The following EVI5 variants were observed in gnomAD, a reference collection of about 807,000 sequenced individuals.
EVI5 encodes the protein ecotropic viral integration site 5.
In EVI5, 73 loss-of-function variants were observed where a neutral mutation model predicts 112.0. The observed-to-expected ratio is 0.65, with a 90% confidence interval of 0.54 to 0.79. The LOEUF (loss-of-function observed/expected upper bound fraction) is 0.79, where lower values mean the gene tolerates loss of function less well. Ranked by LOEUF, EVI5 falls within the 30% of genes least tolerant of loss-of-function variation. The pLI is 0.00. For missense variants in EVI5, 900 were observed against 968.8 expected (o/e 0.93, Z 0.94); for synonymous variants, 305 against 319.9 (o/e 0.95, Z 0.50).
At chr1:92,665,295 C>T (rs1200327077) in intron 11 of EVI5, among the ~76,000 whole-genome samples, 5 of 152,152 alleles carry the variant, frequency 3.3e-5, no homozygotes, top group African/African-American at 1.2e-4. Context: ...TTAAACCATA[C>T]TTTTACTACT....
At chr1:92,675,853 A>G (rs2152765) in intron 10 of EVI5, among the ~76,000 whole-genome samples, 139,467 of 151,354 alleles carry the variant, frequency 0.92, 64,339 homozygotes, top group East Asian at 0.97. Context: ...CTACTTGGGA[A>G]GCTGAGGCAG....
intron 19 of EVI5, among the ~76,000 whole-genome samples, chr1:92,539,407 G>C (rs1186014312): frequency 6.6e-6 from 1 of 151,752 alleles, no homozygotes; most frequent in Non-Finnish European, 1.5e-5. Context: ...GCCGGGTGTA[G>C]TGGCGGGCGC....
intron 1 of EVI5, among the ~76,000 whole-genome samples, chr1:92,747,837 C>A (rs1374605530): frequency 6.6e-6 from 1 of 151,016 alleles, no homozygotes; most frequent in African/African-American, 2.4e-5. Context: ...TAGGGAGAAT[C>A]TTCCCTTGCC....
At chr1:92,613,289 T>G (rs1409850906) in intron 16 of EVI5, among the ~76,000 whole-genome samples, 1 of 152,094 alleles carries the variant, frequency 6.6e-6, no homozygotes, top group Non-Finnish European at 1.5e-5. Flanking sequence ...ATTTATTTAT[T>G]TATTTATTTA....
At chr1:92,724,499 T>C (rs1675252979) in intron 2 of EVI5, among the ~76,000 whole-genome samples, 1 of 152,170 alleles carries the variant, frequency 6.6e-6, no homozygotes, top group African/African-American at 2.4e-5. Flanking sequence ...CATTAAATTA[T>C]ATCGAACAAT....
At chr1:92,729,446 T>G (rs1189207093) in intron 2 of EVI5, among the ~76,000 whole-genome samples, 1 of 152,292 alleles carries the variant, frequency 6.6e-6, no homozygotes, top group East Asian at 1.9e-4. Flanking sequence ...CATTACAAGG[T>G]GACAACATAT....
intron 13 of EVI5, among the ~76,000 whole-genome samples, chr1:92,658,484 C>G (rs985867667): frequency 6.6e-6 from 1 of 152,012 alleles, no homozygotes; most frequent in Admixed American, 6.5e-5. Flanking sequence ...TTGACAACAG[C>G]TACAAAAAAA....
intron 10 of EVI5, among the ~76,000 whole-genome samples, chr1:92,675,976 A>AG (rs1326013838): frequency 6.6e-6 from 1 of 151,664 alleles, no homozygotes; most frequent in African/African-American, 2.4e-5. Flanking sequence ...AAAAAGAAAA[A>AG]GAAAAAAAGC....
intron 16 of EVI5, among the ~76,000 whole-genome samples, chr1:92,612,167 C>A (rs965073236): frequency 1.3e-5 from 2 of 151,612 alleles, no homozygotes; most frequent in African/African-American, 4.9e-5. Flanking sequence ...CCCAGGTAAG[C>A]ATTTTCAACT....
At chr1:92,787,372 A>G (rs1685715736), upstream of EVI5, among the ~76,000 whole-genome samples, 2 of 152,318 alleles carry the variant, frequency 1.3e-5, no homozygotes, top group Admixed American at 6.5e-5. Flanking sequence ...TTTTGTAAGC[A>G]CCTGAATTAA....
intron 13 of EVI5, among the ~76,000 whole-genome samples, chr1:92,650,447 G>A (rs1231315820): frequency 8.0e-6 from 1 of 124,676 alleles, no homozygotes; most frequent in Non-Finnish European, 1.7e-5. Flanking sequence ...TATTCTTTTG[G>A]AAGCTACTGT....
At chr1:92,679,796 T>C (rs1334920656) in intron 9 of EVI5, among the ~76,000 whole-genome samples, 1 of 152,194 alleles carries the variant, frequency 6.6e-6, no homozygotes, top group Non-Finnish European at 1.5e-5. Context: ...GTCCTTCAAA[T>C]GGGATTTGTC....
At chr1:92,621,756 G>A (rs1017779204) in intron 16 of EVI5, among the ~76,000 whole-genome samples, 2 of 152,154 alleles carry the variant, frequency 1.3e-5, no homozygotes, top group African/African-American at 4.8e-5. Flanking sequence ...CCATCTATAT[G>A]TTGTTTATCA....
chr1:92,656,974 C>G (rs1159571286), intron 13 of EVI5, among the ~76,000 whole-genome samples: 2 of 151,970 alleles, frequency 1.3e-5, no homozygotes, highest in Non-Finnish European at 2.9e-5. Flanking sequence ...GAACTAGTAC[C>G]AATTCTCCTG....
intron 13 of EVI5, among the ~76,000 whole-genome samples, chr1:92,641,381 C>A (rs1659939522): frequency 6.6e-6 from 1 of 152,150 alleles, no homozygotes; most frequent in African/African-American, 2.4e-5. Context: ...TCAGTTAACT[C>A]CTGGTTTAAC....
At chr1:92,605,227 T>C in intron 18 of EVI5, 80 bp downstream of exon 18, 2 of 938,842 alleles carry the variant, frequency 2.1e-6, no homozygotes, top group Non-Finnish European at 3.3e-6. Context: ...GTCACGAGGA[T>C]AAAGAGTAAG....
intron 19 of EVI5, among the ~76,000 whole-genome samples, chr1:92,557,897 G>GTATTTATT (rs59677545): frequency 0.032 from 4,754 of 148,628 alleles, 161 homozygotes; most frequent in Admixed American, 0.097. Context: ...GCCAATTTTT[G>GTATTTATT]TATTTATTTA....
At chr1:92,788,971 C>T (rs770338893), upstream of EVI5, among the ~76,000 whole-genome samples, 1 of 152,024 alleles carries the variant, frequency 6.6e-6, no homozygotes, top group Non-Finnish European at 1.5e-5. Flanking sequence ...ATCATAACCC[C>T]CTTGCATATG....
intron 16 of EVI5, among the ~76,000 whole-genome samples, chr1:92,622,892 C>G (rs1187654836): frequency 6.6e-6 from 1 of 152,212 alleles, no homozygotes; most frequent in Non-Finnish European, 1.5e-5. Flanking sequence ...CTATCTAACT[C>G]TCTACTTACC....
Sources: allele counts gnomAD v4.1 joint callset (sites outside exome capture counted in the v4.1 genomes callset), GRCh38; gene constraint gnomAD v4.1.1; transcripts MANE v1.5; gene names NCBI Gene and HGNC (gene_info 2026-07-23, HGNC 2026-07-21).